FGD4: variants seen among roughly 807,000 people sequenced by gnomAD.
FGD4 encodes the protein FYVE, RhoGEF and PH domain-containing protein 4.
Under a neutral mutation model 102.0 loss-of-function variants are expected in FGD4, and 42 were observed. That is an observed-to-expected ratio of 0.41 (90% CI 0.32 to 0.53). The LOEUF is 0.53. Among genes scored for constraint, FGD4 ranks in the 20% least tolerant of loss-of-function variants. The pLI is 0.21. For synonymous variants in FGD4, 380 were observed against 375.7 expected, an observed-to-expected ratio of 1.01 and a Z score of -0.13; for missense variants, 902 against 1,078.2, an observed-to-expected ratio of 0.84 and a Z score of 2.29.
intron 5 of FGD4, among the ~76,000 whole-genome samples, chr12:32,598,880 G>T (rs981183166): frequency 1.3e-5 from 2 of 152,122 alleles, no homozygotes; most frequent in African/African-American, 2.4e-5. Context: ...TGTCATCCTG[G>T]GGACCATGTT....
intron 8 of FGD4, 41 bp from the exon 9 acceptor site, chr12:32,610,735 G>A (rs760550287): frequency 9.5e-6 from 15 of 1,573,750 alleles, no homozygotes; most frequent in Non-Finnish European, 1.3e-5. Context: ...GCACAGGAAG[G>A]ACAAAGCATA....
At chr12:32,464,524 G>A (rs988455378) in intron 1 of FGD4, among the ~76,000 whole-genome samples, 3 of 152,126 alleles carry the variant, frequency 2.0e-5, no homozygotes, top group Non-Finnish European at 4.4e-5. Context: ...AAAGAAAAAG[G>A]ACAAATGCAC....
intron 1 of FGD4, among the ~76,000 whole-genome samples, chr12:32,429,252 T>C: frequency 6.6e-6 from 1 of 152,224 alleles, no homozygotes; most frequent in Non-Finnish European, 1.5e-5. Context: ...TTCATTTCTG[T>C]TTGTTAGTTT....
intron 10 of FGD4, among the ~76,000 whole-genome samples, chr12:32,613,779 A>AAATT (rs1949291172): frequency 6.6e-6 from 1 of 152,128 alleles, no homozygotes; most frequent in South Asian, 2.1e-4. Context: ...AAAAATAAAT[A>AAATT]AATAAAAAAT....
intron 2 of FGD4, among the ~76,000 whole-genome samples, chr12:32,566,990 A>G (rs1945241218): frequency 6.6e-6 from 1 of 152,220 alleles, no homozygotes. Context: ...TTCCTGGTCC[A>G]GGGCGTGTAG....
At chr12:32,612,923 T>C (rs566843734) in intron 10 of FGD4, among the ~76,000 whole-genome samples, 4 of 152,318 alleles carry the variant, frequency 2.6e-5, no homozygotes, top group African/African-American at 9.6e-5. Flanking sequence ...AATTTTTTTT[T>C]CTTTGGATTC....
intron 1 of FGD4, among the ~76,000 whole-genome samples, chr12:32,529,704 A>G (rs1370664366): frequency 2.6e-5 from 4 of 151,734 alleles, no homozygotes; most frequent in Admixed American, 6.6e-5. Context: ...TTAGCCAGAC[A>G]TGGTGGCCCA....
intron 3 of FGD4, among the ~76,000 whole-genome samples, chr12:32,579,063 T>TTTTTTTTTA (rs1946380717): frequency 2.8e-5 from 4 of 140,890 alleles, no homozygotes; most frequent in Admixed American, 7.5e-5. Context: ...TTTTTTTTTT[T>TTTTTTTTTA]GAGACAGAGT....
chr12:32,460,340 T>C (rs1267344865), intron 1 of FGD4, among the ~76,000 whole-genome samples: 1 of 151,998 alleles, frequency 6.6e-6, no homozygotes, highest in Non-Finnish European at 1.5e-5. Context: ...AGTGAGACTT[T>C]GGCTTTACTA....
chr12:32,399,728 C>A lies in FGD4; in HGVS notation c.-66C>A, dbSNP rs1940566780. The A allele has an allele frequency of 2.0e-6, 3 of 1,509,946 alleles. No individual in the cohort carries two copies. Among genetic ancestry groups the A allele is most frequent in the Middle Eastern group, 4.6e-4 (2 of 4,304 alleles). The allele number at this position is 1,509,946 out of a possible 1,614,324, so 93.5% of individuals were successfully genotyped here. A position where few individuals can be genotyped will look rare whatever the true frequency, so the allele number is the denominator to read the frequency against. Reference sequence around the variant, plus strand: ...GAACCTGGGCATGCAGGCGACGCCCCCCAGGGGCCGCTCGCGGCTGGACGG... The same window carrying A: ...GAACCTGGGCATGCAGGCGACGCCCACCAGGGGCCGCTCGCGGCTGGACGG... On this transcript the variant is annotated 5_prime_UTR_variant, in exon 1 of 17. Coordinates refer to ENST00000534526, the MANE Select transcript of FGD4 (RefSeq NM_001370298.3).
At chr12:32,468,224 T>C (rs1031236288) in intron 1 of FGD4, among the ~76,000 whole-genome samples, 1 of 151,668 alleles carries the variant, frequency 6.6e-6, no homozygotes, top group Non-Finnish European at 1.5e-5. Flanking sequence ...TTAACTCTGA[T>C]TTTATCCTCA....
At chr12:32,502,450 C>G (rs753982019) in intron 1 of FGD4, 47 of 492,596 alleles carry the variant, frequency 9.5e-5, no homozygotes, top group Non-Finnish European at 1.2e-4. Flanking sequence ...AAACCTCCAG[C>G]GTCATACACT....
At chr12:32,494,003 G>A (rs1298647519) in intron 1 of FGD4, among the ~76,000 whole-genome samples, 3 of 152,188 alleles carry the variant, frequency 2.0e-5, no homozygotes, top group African/African-American at 7.2e-5. Flanking sequence ...AACTGCAGAT[G>A]TAAAGGGTCT....
At chr12:32,501,343 T>G (rs1335849900) in intron 1 of FGD4, among the ~76,000 whole-genome samples, 2 of 152,184 alleles carry the variant, frequency 1.3e-5, no homozygotes, top group Admixed American at 6.5e-5. Flanking sequence ...TAATAGTTGG[T>G]TTTTATGTGG....
At chr12:32,472,386 C>T (rs1943436378) in intron 1 of FGD4, among the ~76,000 whole-genome samples, 1 of 149,502 alleles carries the variant, frequency 6.7e-6, no homozygotes, top group Non-Finnish European at 1.5e-5. Flanking sequence ...GCACTCGGAG[C>T]AGCCAGCCAG....
intron 1 of FGD4, among the ~76,000 whole-genome samples, chr12:32,488,510 G>A (rs1326088867): frequency 4.0e-5 from 6 of 151,186 alleles, no homozygotes; most frequent in Non-Finnish European, 8.8e-5. Context: ...AGATCTCAGG[G>A]GATTTCTTTT....
intron 1 of FGD4, among the ~76,000 whole-genome samples, chr12:32,474,511 C>T (rs761675982): frequency 2.6e-5 from 4 of 152,114 alleles, no homozygotes; most frequent in Non-Finnish European, 5.9e-5. Flanking sequence ...TTGTATGCTT[C>T]CATGTATATG....
chr12:32,525,976 G>A (rs1481151128), intron 1 of FGD4, among the ~76,000 whole-genome samples: 1 of 152,234 alleles, frequency 6.6e-6, no homozygotes, highest in African/African-American at 2.4e-5. Context: ...GGGCTCCTGT[G>A]CGGCCCGAGC....
chr12:32,494,545 A>G (rs1565775847), intron 1 of FGD4, among the ~76,000 whole-genome samples: 1 of 152,226 alleles, frequency 6.6e-6, no homozygotes, highest in Non-Finnish European at 1.5e-5. Flanking sequence ...TAATACCTAA[A>G]CACATTTACT....
Sources: allele counts gnomAD v4.1 joint callset (sites outside exome capture counted in the v4.1 genomes callset), GRCh38; gene constraint gnomAD v4.1.1; transcripts MANE v1.5; gene names NCBI Gene and HGNC (gene_info 2026-07-23, HGNC 2026-07-21).